The following DGKB variants were observed in gnomAD, a reference collection of about 807,000 sequenced individuals.
The protein encoded by DGKB is diacylglycerol kinase beta, also known as 90 kDa diacylglycerol kinase.
DGKB carries 67 observed loss-of-function variants against 114.3 expected under a neutral mutation model. The observed-to-expected ratio is 0.59, with a 90% CI of 0.48 to 0.72. DGKB has a LOEUF of 0.72. DGKB is among the 30% of genes least tolerant of loss of function. The pLI is 0.00. For missense variants in DGKB, 907 were observed against 975.2 expected (o/e 0.93, Z 0.93); for synonymous variants, 398 against 323.1 (o/e 1.23, Z -2.49).
intron 5 of DGKB, among the ~76,000 whole-genome samples, chr7:14,727,377 A>T (rs1830177501): frequency 6.6e-6 from 1 of 152,178 alleles, no homozygotes; most frequent in African/African-American, 2.4e-5. Context: ...AGGACCACAA[A>T]ATTATTGCAA....
chr7:14,389,332 GA>G (rs1201272532), intron 21 of DGKB, among the ~76,000 whole-genome samples: 28 of 152,266 alleles, frequency 1.8e-4, no homozygotes, highest in Non-Finnish European at 5.9e-5. Context: ...AGGACCCTTT[GA>G]AAGTCAGCAG....
chr7:14,955,903 A>G (rs985683226), intron 1 of DGKB, among the ~76,000 whole-genome samples: 2 of 151,956 alleles, frequency 1.3e-5, no homozygotes, highest in Non-Finnish European at 2.9e-5. Context: ...ATTTCAGGCC[A>G]TTGGAGATTA....
chr7:14,468,990 G>A (rs1329743509), intron 21 of DGKB, among the ~76,000 whole-genome samples: 1 of 152,048 alleles, frequency 6.6e-6, no homozygotes, highest in African/African-American at 2.4e-5. Flanking sequence ...ATAATAAAAT[G>A]TAAGTGTCTT....
rs776432353 is a variant in DGKB at position 14,855,526 on chromosome 7, CACAA to C, written c.-187-14080_-187-14077del. On this transcript the variant is annotated intron_variant, in intron 1 of 25. Coordinates refer to ENST00000402815, the MANE Select transcript of DGKB (RefSeq NM_001350709.2). ...CCAAATAAGCACACGTGCATTCACA[CACAA>C]ACACACACCCACACACAATACATAC... 4.7e-4 allele frequency among the ~76,000 whole-genome samples: 71 copies of C among 152,178 alleles called. 1 individual carries two copies. Among genetic ancestry groups the C allele is most frequent in the Non-Finnish European group, 5.1e-4 (35 of 68,036 alleles).
intron 23 of DGKB, among the ~76,000 whole-genome samples, chr7:14,307,610 AT>A (rs1431276721): frequency 6.6e-6 from 1 of 152,188 alleles, no homozygotes; most frequent in Non-Finnish European, 1.5e-5. Flanking sequence ...ATTGTATTGA[AT>A]GTCAATTTAC....
chr7:14,200,584 T>C lies in DGKB; in HGVS notation c.2123-22433A>G, dbSNP rs531399095. Among the ~76,000 whole-genome samples, 3 of 152,198 alleles carry C rather than the reference T, an allele frequency of 2.0e-5. No individual in the cohort carries two copies. The South Asian group carries it at 6.2e-4, about 32-fold the overall frequency. On this transcript the variant is annotated intron_variant, in intron 23 of 25. Coordinates refer to ENST00000402815, the MANE Select transcript of DGKB (RefSeq NM_001350709.2). ...AATGTTTATTTTCTTATACATATTG[T>C]TTCATAATACTACATATGATTTCTT...
At chr7:14,239,301 G>GTT (rs56782824) in intron 23 of DGKB, among the ~76,000 whole-genome samples, 10,423 of 151,728 alleles carry the variant, frequency 0.069, 527 homozygotes, top group East Asian at 0.17. Flanking sequence ...ATTTCAAAAA[G>GTT]TTTTTTTAAA....
intron 23 of DGKB, among the ~76,000 whole-genome samples, chr7:14,303,450 G>C (rs909972812): frequency 2.6e-5 from 4 of 151,802 alleles, no homozygotes; most frequent in Non-Finnish European, 5.9e-5. Context: ...GTTATTATTG[G>C]TCCTTTTGAT....
chr7:14,361,311 T>C (rs974080914), intron 21 of DGKB, among the ~76,000 whole-genome samples: 1 of 152,026 alleles, frequency 6.6e-6, no homozygotes, highest in African/African-American at 2.4e-5. Flanking sequence ...ACACATTAAT[T>C]ATCTTGTATA....
At chr7:14,855,075 G>T (rs1327494489) in intron 1 of DGKB, among the ~76,000 whole-genome samples, 1 of 152,118 alleles carries the variant, frequency 6.6e-6, no homozygotes, top group Admixed American at 6.5e-5. Context: ...AAAGCTACTA[G>T]AAATAAATTA....
At chr7:14,336,710 G>T (rs1345641257) in intron 23 of DGKB, among the ~76,000 whole-genome samples, 1 of 152,048 alleles carries the variant, frequency 6.6e-6, no homozygotes, top group Non-Finnish European at 1.5e-5. Flanking sequence ...TTCCAAATGT[G>T]TGTTCCTGAA....
At chr7:14,618,135 C>G (rs1232381325) in intron 15 of DGKB, among the ~76,000 whole-genome samples, 1 of 151,420 alleles carries the variant, frequency 6.6e-6, no homozygotes, top group African/African-American at 2.4e-5. Flanking sequence ...CACACACACA[C>G]ACACGTACAC....
upstream of DGKB, among the ~76,000 whole-genome samples, chr7:14,903,896 G>GTGGT (rs543811902): frequency 1.1e-4 from 16 of 152,216 alleles, no homozygotes; most frequent in Admixed American, 2.0e-4. Context: ...TAGAAGTCCC[G>GTGGT]TGGTTGCTCT....
rs117083794 is a variant in DGKB at position 14,393,509 on chromosome 7, A to G, written c.1836-48118T>C. ...ATTCTTTCTTTTGATGTAATAATCT[A>G]CATAAATATCTTTAATTTTGCATCT... On this transcript the variant is annotated intron_variant, in intron 21 of 25. Coordinates refer to ENST00000402815, the MANE Select transcript of DGKB (RefSeq NM_001350709.2). Among the ~76,000 whole-genome samples, 788 of 152,300 alleles carry G rather than the reference A, an allele frequency of 5.2e-3. 6 individuals are homozygous for G. The highest frequency in any genetic ancestry group is 0.017 in the Middle Eastern group (5 of 294).
chr7:14,431,835 C>T (rs996556660), intron 21 of DGKB, among the ~76,000 whole-genome samples: 9 of 151,626 alleles, frequency 5.9e-5, no homozygotes, highest in African/African-American at 2.2e-4. Context: ...GAAAAATAGC[C>T]CCTCATATGC....
rs1358936999 is a variant in DGKB at position 14,595,309 on chromosome 7, CT to C, written c.1433+12124del. Among the ~76,000 whole-genome samples, 13 of 151,862 alleles carry C rather than the reference CT, an allele frequency of 8.6e-5. 1 individual carries two copies. The highest frequency in any genetic ancestry group is 8.5e-4 in the Admixed American group (13 of 15,206). The stretch of plus-strand genomic sequence containing the variant: ...AGAAAGCGGTTCTTTAGTGAATGGT[CT>C]TTTTATTCATCAAGTTAGAGAATAA... On this transcript the variant is annotated intron_variant, in intron 17 of 25. Transcript: ENST00000402815.
chr7:14,758,928 G>GATAGATAGATAGATAGATAGATAGATAC (rs376591211), intron 2 of DGKB, among the ~76,000 whole-genome samples: 10 of 146,842 alleles, frequency 6.8e-5, no homozygotes, highest in African/African-American at 2.3e-4. Flanking sequence ...TAGATAGATA[G>GATAGATAGATAGATAGATAGATAGATAC]ATAGATACAT....
chr7:14,576,782 G>A (rs1448348662), intron 19 of DGKB, among the ~76,000 whole-genome samples: 3 of 152,112 alleles, frequency 2.0e-5, no homozygotes, highest in Non-Finnish European at 4.4e-5. Flanking sequence ...GCAGGGTCAC[G>A]CAGCTTAAAA....
At chr7:14,150,596 TA>T (rs1056893537) in intron 25 of DGKB, among the ~76,000 whole-genome samples, 9 of 152,082 alleles carry the variant, frequency 5.9e-5, no homozygotes, top group African/African-American at 2.2e-4. Context: ...ATTGCACCTG[TA>T]AAAGGCCACT....
Sources: gnomAD v4.1 joint callset for allele counts (sites outside exome capture counted in the v4.1 genomes callset) on GRCh38, gnomAD v4.1.1 for gene constraint, MANE v1.5 for transcripts, NCBI Gene and HGNC (gene_info 2026-07-23, HGNC 2026-07-21) for gene names.